OCA2: variants seen among roughly 807,000 people sequenced by gnomAD.
OCA2 encodes the protein P protein.
OCA2 carries 77 observed loss-of-function variants against 100.2 expected under a neutral mutation model. The observed-to-expected ratio is 0.77, with a 90% confidence interval of 0.64 to 0.93. The LOEUF (loss-of-function observed/expected upper bound fraction) is 0.93. OCA2 is among the 40% of genes least tolerant of loss of function. The pLI, the probability that OCA2 is intolerant of heterozygous loss-of-function variation, is 0.00. For missense variants in OCA2, 1,062 were observed against 1,089.1 expected (o/e 0.98, Z 0.35); for synonymous variants, 432 against 439.2 (o/e 0.98, Z 0.21).
At chr15:27,925,156 C>T (rs569625463) in intron 19 of OCA2, among the ~76,000 whole-genome samples, 1 of 152,224 alleles carries the variant, frequency 6.6e-6, no homozygotes, top group East Asian at 1.9e-4. Context: ...CTGCAATACC[C>T]CACTCTCAAT....
intron 23 of OCA2, among the ~76,000 whole-genome samples, chr15:27,835,220 G>T (rs1327362324): frequency 6.6e-6 from 1 of 152,176 alleles, no homozygotes; most frequent in East Asian, 1.9e-4. Context: ...AGATCATATG[G>T]ATTACAAGTC....
intron 14 of OCA2, among the ~76,000 whole-genome samples, chr15:27,967,172 C>T (rs183621978): frequency 1.3e-5 from 2 of 152,194 alleles, no homozygotes; most frequent in East Asian, 3.9e-4. Context: ...GCCTTTCCTC[C>T]GCACAGGCAG....
chr15:27,912,451 C>T (rs962264743), intron 19 of OCA2, among the ~76,000 whole-genome samples: 2 of 151,950 alleles, frequency 1.3e-5, no homozygotes, highest in South Asian at 2.1e-4. Flanking sequence ...TGTCTAAAGA[C>T]GACAGGAGCC....
chr15:27,942,485 C>G (rs1481158783), intron 18 of OCA2, among the ~76,000 whole-genome samples: 1 of 151,522 alleles, frequency 6.6e-6, no homozygotes, highest in Non-Finnish European at 1.5e-5. Context: ...TAGTGGTTTC[C>G]AGGGTCTGGG....
intron 2 of OCA2, among the ~76,000 whole-genome samples, chr15:28,081,429 C>CT (rs1252925993): frequency 6.6e-6 from 1 of 152,082 alleles, no homozygotes; most frequent in Non-Finnish European, 1.5e-5. Context: ...GCTACAAACT[C>CT]TTTTTTCTAT....
chr15:27,734,301 A>C, the OCA2 span, among the ~76,000 whole-genome samples: 4 of 151,276 alleles, frequency 2.6e-5, no homozygotes, highest in Non-Finnish European at 5.9e-5. Context: ...AAAAAAAAAA[A>C]AAAAAAATGA....
chr15:27,960,086 A>G (rs1476035096), intron 15 of OCA2, among the ~76,000 whole-genome samples: 25 of 152,078 alleles, frequency 1.6e-4, no homozygotes, highest in African/African-American at 2.4e-5. Context: ...TGGCTACCCA[A>G]TATTTCCCTC....
intron 18 of OCA2, among the ~76,000 whole-genome samples, chr15:27,938,598 T>C (rs1231678528): frequency 6.6e-6 from 1 of 152,204 alleles, no homozygotes; most frequent in Admixed American, 6.5e-5. Context: ...GTTACTGTGC[T>C]TAGAGGCTGG....
chr15:28,067,399 T>C (rs1390700305), intron 2 of OCA2, among the ~76,000 whole-genome samples: 1 of 152,226 alleles, frequency 6.6e-6, no homozygotes, highest in Non-Finnish European at 1.5e-5. Context: ...GATTGGTTTG[T>C]TCCTTTCTCT....
the OCA2 span, among the ~76,000 whole-genome samples, chr15:27,726,179 T>G: frequency 6.6e-6 from 1 of 152,016 alleles, no homozygotes; most frequent in Non-Finnish European, 1.5e-5. Context: ...ACGCCTGTAG[T>G]CCCAGCTACT....
the OCA2 span, among the ~76,000 whole-genome samples, chr15:27,733,066 C>T: frequency 6.6e-6 from 1 of 152,170 alleles, no homozygotes; most frequent in Non-Finnish European, 1.5e-5. Context: ...CATTAGCACT[C>T]GTCTCTCATG....
chr15:28,017,911 C>T (rs1440314179), intron 7 of OCA2, among the ~76,000 whole-genome samples: 2 of 152,112 alleles, frequency 1.3e-5, no homozygotes, highest in Admixed American at 1.3e-4. Flanking sequence ...TCCTGGCTGC[C>T]TTTGCAGGAT....
chr15:27,877,742 A>G (rs1405985861), intron 19 of OCA2, among the ~76,000 whole-genome samples: 4 of 152,014 alleles, frequency 2.6e-5, no homozygotes, highest in South Asian at 2.1e-4. Context: ...GATCAAGGGT[A>G]AAAGTATGTC....
intron 23 of OCA2, among the ~76,000 whole-genome samples, chr15:27,802,052 T>A (rs2033637663): frequency 6.6e-6 from 1 of 152,160 alleles, no homozygotes; most frequent in Admixed American, 6.5e-5. Context: ...AGCTATATAG[T>A]AAATTTGATG....
rs539523422 is a variant in OCA2, at chr15:27,763,581, C to A, written c.2433-8109G>T. Reference sequence around the variant, plus strand: ...GCCATTAGGGAAGTGGGCAATGATGCGGCTGCTGTGAGTGGTTGCGATGCC... The same window carrying A: ...GCCATTAGGGAAGTGGGCAATGATGAGGCTGCTGTGAGTGGTTGCGATGCC... On this transcript the variant is annotated intron_variant, in intron 23 of 23. Coordinates refer to ENST00000354638, the MANE Select transcript of OCA2 (RefSeq NM_000275.3). Among the ~76,000 whole-genome samples the A allele has an allele frequency of 9.2e-5, 14 of 152,318 alleles. No homozygotes were observed. In the South Asian group the frequency reaches 2.9e-3, roughly 32 times the overall value.
chr15:27,726,170 C>A, the OCA2 span, among the ~76,000 whole-genome samples: 1 of 151,782 alleles, frequency 6.6e-6, no homozygotes, highest in Admixed American at 6.6e-5. Flanking sequence ...TGGTGGCACA[C>A]GCCTGTAGTC....
At chr15:27,923,673 C>A (rs114002434) in intron 19 of OCA2, among the ~76,000 whole-genome samples, 1 of 152,156 alleles carries the variant, frequency 6.6e-6, no homozygotes, top group African/African-American at 2.4e-5. Flanking sequence ...TGAAAGCATT[C>A]ATGTCCTTTG....
chr15:27,769,273 C>A (rs938620158), intron 23 of OCA2, among the ~76,000 whole-genome samples: 2 of 152,232 alleles, frequency 1.3e-5, no homozygotes, highest in South Asian at 2.1e-4. Flanking sequence ...ACGATGCACA[C>A]GTCAGATGGA....
intron 21 of OCA2, among the ~76,000 whole-genome samples, chr15:27,854,688 G>A (rs1185799732): frequency 6.6e-6 from 1 of 152,142 alleles, no homozygotes; most frequent in African/African-American, 2.4e-5. Flanking sequence ...TTCTTCGGAG[G>A]AGTGAGCGAA....
Sources: allele counts gnomAD v4.1 joint callset (sites outside exome capture counted in the v4.1 genomes callset), GRCh38; gene constraint gnomAD v4.1.1; transcripts MANE v1.5; gene names NCBI Gene and HGNC (gene_info 2026-07-23, HGNC 2026-07-21).